MDM2: variants seen among roughly 807,000 people sequenced by gnomAD.
MDM2 encodes MDM2 proto-oncogene.
MDM2 carries 11 observed loss-of-function variants against 64.3 expected under a neutral mutation model. The ratio of observed to expected loss-of-function variants is 0.17; its 90% CI spans 0.11 to 0.28. MDM2 has a LOEUF of 0.28. Among genes scored for constraint, MDM2 ranks in the 10% least tolerant of loss-of-function variants. The pLI is 1.00. For synonymous variants in MDM2, 194 were observed against 192.9 expected (o/e 1.01, Z -0.05); for missense variants, 388 against 577.1 (o/e 0.67, Z 3.36).
At chr12:68,817,081 T>G in intron 4 of MDM2, 136 bp downstream of exon 4, 2 of 971,586 alleles carry the variant, frequency 2.1e-6, no homozygotes, top group Non-Finnish European at 2.9e-6. Flanking sequence ...TTTTTAGCTC[T>G]GCGGCATATT....
rs1883820779 is a variant in MDM2, at chr12:68,842,166, T to C, written c.*2317T>C. On this transcript the variant is annotated 3_prime_UTR_variant, in exon 11 of 11. Coordinates refer to ENST00000258149, the MANE Select transcript of MDM2 (RefSeq NM_002392.6). ...GCCTGTCAAATATCTGCAAGAACTA[T>C]GGAATAAAACTACTGATGCAGTGAA... 2.1e-6 allele frequency: 1 copy of C among 480,290 alleles called. No homozygotes were observed. Among genetic ancestry groups the C allele is most frequent in the South Asian group, 1.6e-5 (1 of 61,414 alleles). 29.8% of individuals were successfully genotyped at this position (480,290 alleles called of 1,614,324 possible). A position where few individuals can be genotyped will look rare whatever the true frequency, so the allele number is the denominator to read the frequency against.
At chr12:68,816,414 T>C (rs1168479436) in intron 3 of MDM2, among the ~76,000 whole-genome samples, 1 of 140,496 alleles carries the variant, frequency 7.1e-6, no homozygotes. Flanking sequence ...ACTCTGTTGC[T>C]TAAGCCGGAG....
intron 2 of MDM2, among the ~76,000 whole-genome samples, chr12:68,810,492 TG>T (rs1240633060): frequency 1.3e-5 from 2 of 151,962 alleles, no homozygotes; most frequent in Admixed American, 6.6e-5. Context: ...GGCGGAGTCT[TG>T]CTCTGTCTCC....
In MDM2 at chr12:68,824,636, G is replaced by T. The variant is rs1297853240; in HGVS notation, c.508G>T (p.Ala170Ser). 1.2e-6 allele frequency: 2 copies of T among 1,601,770 alleles called. No individual in the cohort carries two copies. Among genetic ancestry groups the T allele is most frequent in the Non-Finnish European group, 1.7e-6 (2 of 1,171,078 alleles). Reference protein sequence around the residue: ...SRPSTSSRRRAISETEENSDE... With the variant: ...SRPSTSSRRRSISETEENSDE... ...ACCATCTACCTCATCTAGAAGGAGA[G>T]CAATTAGTGAGACAGGTATATATGA... is the stretch of plus-strand genomic sequence containing the variant. Residue 170 changes from alanine to serine, a missense_variant, in exon 7 of 11, where the codon GCA becomes TCA. Around this residue, in one of 5 missense-constraint regions of MDM2, gnomAD observed 168 missense variants for 236.6 expected, o/e 0.71. Coordinates refer to ENST00000258149, the MANE Select transcript of MDM2 (RefSeq NM_002392.6).
At position 68,839,531 on chromosome 12, in the gene MDM2, A is replaced by T; in HGVS notation, c.1176A>T (p.Ser392=). 6.2e-7 allele frequency: 1 copy of T among 1,613,988 alleles called. No homozygotes were observed. Among genetic ancestry groups the T allele is most frequent in the Non-Finnish European group, 8.5e-7 (1 of 1,180,010 alleles). Residue 392 remains serine (S), a synonymous_variant, in exon 11 of 11, where the codon TCA becomes TCT. Transcript: ENST00000258149. ...ATGATGATAAAATTACACAAGCTTCACAATCACAAGAAAGTGAAGACTATT... is the reference window on the plus strand; with the variant it reads ...ATGATGATAAAATTACACAAGCTTCTCAATCACAAGAAAGTGAAGACTATT... ...EENDDKITQA[S]QSQESEDYSQ...
chr12:68,819,663 A>G (rs998866653), intron 4 of MDM2, among the ~76,000 whole-genome samples: 4 of 151,790 alleles, frequency 2.6e-5, no homozygotes, highest in African/African-American at 9.7e-5. Context: ...AGCTAATTTT[A>G]TATTTTTAGT....
chr12:68,839,873 T>G lies in MDM2; in HGVS notation c.*24T>G, dbSNP rs1390352906. The G allele has an allele frequency of 1.3e-6, 2 of 1,599,682 alleles. No homozygotes were observed. The highest frequency in any genetic ancestry group is 2.7e-5 in the African/African-American group (2 of 74,114). On this transcript the variant is annotated 3_prime_UTR_variant, in exon 11 of 11. Coordinates refer to ENST00000258149, the MANE Select transcript of MDM2 (RefSeq NM_002392.6). ...AGTTGACCTGTCTATAAGAGAATTA[T>G]ATATTTCTAACTATATAACCCTAGG... is the stretch of plus-strand genomic sequence containing the variant.
rs1356322178 is a variant in MDM2, at chr12:68,841,226, A to G, written c.*1377A>G. The G allele has an allele frequency of 5.3e-6, 1 of 189,666 alleles. No individual in the cohort carries two copies. Among genetic ancestry groups the G allele is most frequent in the African/African-American group, 2.3e-5 (1 of 42,704 alleles). 11.7% of individuals were successfully genotyped at this position (189,666 alleles called of 1,614,324 possible). A position where few individuals can be genotyped will look rare whatever the true frequency, so the allele number is the denominator to read the frequency against. ...CTAGGTTAAAAAAAAAAAGGCTCTT[A>G]TATTTGGTGCTATGTAAATGAAAAT... On this transcript the variant is annotated 3_prime_UTR_variant, in exon 11 of 11. Coordinates refer to ENST00000258149, the MANE Select transcript of MDM2 (RefSeq NM_002392.6).
intron 2 of MDM2, among the ~76,000 whole-genome samples, chr12:68,811,810 C>T (rs1312843498): frequency 6.6e-6 from 1 of 152,084 alleles, no homozygotes; most frequent in Non-Finnish European, 1.5e-5. Flanking sequence ...CCATGTTGTC[C>T]AGGCTGGTCT....
chr12:68,841,439 C>T lies in MDM2; in HGVS notation c.*1590C>T. The T allele has an allele frequency of 4.9e-6, 1 of 205,912 alleles. No individual in the cohort carries two copies. The highest frequency in any genetic ancestry group is 7.4e-5 in the East Asian group (1 of 13,522). The allele number at this position is 205,912 out of a possible 1,614,324, so 12.8% of individuals were successfully genotyped here. A position where few individuals can be genotyped will look rare whatever the true frequency, so the allele number is the denominator to read the frequency against. Reference sequence around the variant, plus strand: ...TATTCTCCAGCCTCTTTTGTATAAACCATAGTAAGGGATGGGAGTAATGAT... The same window carrying T: ...TATTCTCCAGCCTCTTTTGTATAAATCATAGTAAGGGATGGGAGTAATGAT... On this transcript the variant is annotated 3_prime_UTR_variant, in exon 11 of 11. Transcript: ENST00000258149.
chr12:68,824,593 T>C lies in MDM2; in HGVS notation c.465T>C (p.Ser155=), dbSNP rs777121474. 1.9e-6 allele frequency: 3 copies of C among 1,613,720 alleles called. No individual in the cohort carries two copies. In the South Asian group the frequency reaches 3.3e-5, roughly 18 times the overall value. ...VQELQEEKPS[S]SHLVSRPSTS... ...AGCTTCAGGAAGAGAAACCTTCATC[T>C]TCACATTTGGTTTCTAGACCATCTA... Residue 155 remains serine, a synonymous_variant, in exon 7 of 11, where the codon TCT becomes TCC. Transcript: ENST00000258149.
chr12:68,809,193 T>G lies in MDM2; in HGVS notation c.15-15T>G. On this transcript the variant is annotated splice_polypyrimidine_tract_variant and intron_variant, in intron 1 of 10. Coordinates refer to ENST00000258149, the MANE Select transcript of MDM2 (RefSeq NM_002392.6). ...ATGATTTCCAGTTTTCATCGTGTCT[T>G]TTTTTTCCTTGTAGGCAAATGTGCA... 6.2e-7 allele frequency: 1 copy of G among 1,610,046 alleles called. No homozygotes were observed. The highest frequency in any genetic ancestry group is 1.3e-5 in the African/African-American group (1 of 74,714).
intron 3 of MDM2, 142 bp downstream of exon 3, chr12:68,813,770 A>G (rs961435538): frequency 1.3e-5 from 8 of 606,086 alleles, no homozygotes; most frequent in East Asian, 8.2e-5. Flanking sequence ...CGTTTGGACT[A>G]TATTTTAAAG....
chr12:68,818,002 C>G (rs1389306547), intron 4 of MDM2, among the ~76,000 whole-genome samples: 1 of 151,968 alleles, frequency 6.6e-6, no homozygotes, highest in African/African-American at 2.4e-5. Context: ...CGATGTTGAC[C>G]AGGCTGGTCT....
rs1401710921 is a variant in MDM2 at position 68,844,725 on chromosome 12, A to G, written c.*4876A>G. 4.7e-6 allele frequency: 1 copy of G among 214,264 alleles called. No homozygotes were observed. The highest frequency in any genetic ancestry group is 6.9e-5 in the East Asian group (1 of 14,430). The allele number at this position is 214,264 out of a possible 1,614,324, so 13.3% of individuals were successfully genotyped here. On this transcript the variant is annotated 3_prime_UTR_variant, in exon 11 of 11. Coordinates refer to ENST00000258149, the MANE Select transcript of MDM2 (RefSeq NM_002392.6). ...CAGACGGGGACTAGCTTTTGGCATT[A>G]TATAATTAAGATTTTTTAAATCCTT...
At chr12:68,825,610 G>A (rs749452612) in intron 7 of MDM2, among the ~76,000 whole-genome samples, 1 of 152,186 alleles carries the variant, frequency 6.6e-6, no homozygotes, top group Admixed American at 6.5e-5. Context: ...CCGAGATCAC[G>A]CCACTGCACT....
intron 2 of MDM2, among the ~76,000 whole-genome samples, chr12:68,812,080 T>C (rs1880949831): frequency 6.6e-6 from 1 of 152,154 alleles, no homozygotes; most frequent in Admixed American, 6.5e-5. Flanking sequence ...TTATTTTATC[T>C]AATTTGAAGC....
chr12:68,833,318 A>ATATAAATATAAATATATATAT, intron 8 of MDM2, among the ~76,000 whole-genome samples: 22 of 95,980 alleles, frequency 2.3e-4, no homozygotes, highest in African/African-American at 5.3e-4. Context: ...TAAAAATATA[A>ATATAAATATAAATATATATAT]TTATATAAAT....
intron 5 of MDM2, among the ~76,000 whole-genome samples, chr12:68,822,567 G>T (rs1881949793): frequency 6.6e-6 from 1 of 152,106 alleles, no homozygotes; most frequent in Non-Finnish European, 1.5e-5. Flanking sequence ...TGAGTTTTCT[G>T]AAGTATGTAA....
Sources: gnomAD v4.1 joint callset for allele counts (sites outside exome capture counted in the v4.1 genomes callset) on GRCh38, gnomAD v4.1.1 for gene constraint, gnomAD v4.1.1 regional missense constraint, MANE v1.5 for transcripts, NCBI Gene and HGNC (gene_info 2026-07-23, HGNC 2026-07-21) for gene names.